The following ENAH variants were observed in gnomAD, a reference collection of about 807,000 sequenced individuals.
ENAH encodes the protein protein enabled homolog.
ENAH carries 23 observed loss-of-function variants against 78.7 expected under a neutral mutation model. That is an observed-to-expected ratio of 0.29 (90% CI 0.21 to 0.41). ENAH has a LOEUF of 0.41. ENAH is among the 10% of genes least tolerant of loss of function. The pLI is 1.00. For synonymous variants in ENAH, 226 were observed against 241.0 expected, an observed-to-expected ratio of 0.94 and a Z score of 0.58; for missense variants, 544 against 691.0, an observed-to-expected ratio of 0.79 and a Z score of 2.39.
At chr1:225,548,224 G>A (rs1412361515) in intron 3 of ENAH, among the ~76,000 whole-genome samples, 1 of 132,686 alleles carries the variant, frequency 7.5e-6, no homozygotes, top group African/African-American at 2.8e-5. Context: ...TTTTTTTTTG[G>A]ACATTAGCAT....
At chr1:225,605,267 G>A (rs11808089) in intron 1 of ENAH, among the ~76,000 whole-genome samples, 11,766 of 152,176 alleles carry the variant, frequency 0.077, 1,530 homozygotes, top group African/African-American at 0.27. Context: ...AAATAAGGGG[G>A]AAGGATACAA....
chr1:225,575,728 T>G (rs531932374), intron 1 of ENAH, among the ~76,000 whole-genome samples: 7 of 152,212 alleles, frequency 4.6e-5, no homozygotes, highest in Non-Finnish European at 8.8e-5. Flanking sequence ...ACTTATTTCC[T>G]GTGCTCTCAC....
intron 1 of ENAH, among the ~76,000 whole-genome samples, chr1:225,619,346 C>G (rs140537033): frequency 0.033 from 5,002 of 152,166 alleles, 115 homozygotes; most frequent in South Asian, 0.052. Context: ...AGTTTGAGAC[C>G]AGCCTGGCCA....
upstream of ENAH, among the ~76,000 whole-genome samples, chr1:225,653,520 G>A (rs1663453717): frequency 6.6e-6 from 1 of 150,924 alleles, no homozygotes; most frequent in Admixed American, 6.6e-5. The surrounding 1 kb of genome is among the most constrained non-coding windows in gnomAD (Gnocchi z 4.3). Flanking sequence ...GCTCCCCAGA[G>A]GCTTGGGGAG....
intron 1 of ENAH, among the ~76,000 whole-genome samples, chr1:225,575,643 T>C (rs976034567): frequency 1.3e-5 from 2 of 152,196 alleles, no homozygotes; most frequent in African/African-American, 4.8e-5. Context: ...CCCAGATACC[T>C]TCTAATTCTG....
At chr1:225,616,586 T>A (rs906108757) in intron 1 of ENAH, among the ~76,000 whole-genome samples, 1 of 152,038 alleles carries the variant, frequency 6.6e-6, no homozygotes, top group Admixed American at 6.6e-5. Context: ...TAATTATATA[T>A]TGCATCTATA....
intron 1 of ENAH, among the ~76,000 whole-genome samples, chr1:225,635,691 A>G (rs1041263533): frequency 8.5e-5 from 13 of 152,234 alleles, no homozygotes; most frequent in African/African-American, 2.7e-4. Context: ...AGATGTAATT[A>G]GTTAAGATGA....
chr1:225,494,858 G>A lies in ENAH; in HGVS notation c.*2917C>T, dbSNP rs6751. 100,500 of 152,504 alleles carry A rather than the reference G, an allele frequency of 0.66. 33,461 individuals are homozygous for A. The highest frequency in any genetic ancestry group is 0.74 in the Middle Eastern group (219 of 294). The allele number at this position is 152,504 out of a possible 1,614,324, so 9.4% of individuals were successfully genotyped here. ...TTTCAATCGCACAAACGAAGTTAGCGTGTAGGAAACTTAAATGAAACAAAT... is the reference window on the plus strand; with the variant it reads ...TTTCAATCGCACAAACGAAGTTAGCATGTAGGAAACTTAAATGAAACAAAT... On this transcript the variant is annotated 3_prime_UTR_variant, in exon 14 of 14. Coordinates refer to ENST00000366843, the MANE Select transcript of ENAH (RefSeq NM_018212.6).
At chr1:225,593,708 A>G (rs1479867485) in intron 1 of ENAH, among the ~76,000 whole-genome samples, 1 of 152,228 alleles carries the variant, frequency 6.6e-6, no homozygotes, top group Non-Finnish European at 1.5e-5. Context: ...GTAATCTGAA[A>G]AACAGCAGCC....
intron 1 of ENAH, among the ~76,000 whole-genome samples, chr1:225,633,768 T>C (rs978649499): frequency 6.6e-6 from 1 of 152,186 alleles, no homozygotes; most frequent in Non-Finnish European, 1.5e-5. Flanking sequence ...ATCAAAGTTA[T>C]CATATATAAT....
chr1:225,499,035 T>C (rs2096266337), intron 12 of ENAH, among the ~76,000 whole-genome samples: 1 of 152,174 alleles, frequency 6.6e-6, no homozygotes, highest in African/African-American at 2.4e-5. Context: ...AAATGAGATG[T>C]GCTGTGAAGT....
At chr1:225,601,873 T>C (rs2096933000) in intron 1 of ENAH, among the ~76,000 whole-genome samples, 2 of 150,604 alleles carry the variant, frequency 1.3e-5, no homozygotes, top group African/African-American at 4.9e-5. Flanking sequence ...AAGGAAGAAC[T>C]TGAGGAAAAT....
chr1:225,585,215 CAAAAAAAAAAAAAAAAAAAAA>C (rs58586397), intron 1 of ENAH, among the ~76,000 whole-genome samples: 2 of 49,934 alleles, frequency 4.0e-5, no homozygotes, highest in South Asian at 2.5e-3. Flanking sequence ...TACCCTGTCT[CAAAAAAAAAAAAAAAAAAAAA>C]AAAAAAAAAA....
At chr1:225,578,157 G>GA (rs1158040752) in intron 1 of ENAH, among the ~76,000 whole-genome samples, 1 of 151,972 alleles carries the variant, frequency 6.6e-6, no homozygotes, top group African/African-American at 2.4e-5. Flanking sequence ...TCTGGAGACC[G>GA]AAAAAAATAA....
chr1:225,535,400 C>T (rs911734783), intron 3 of ENAH: 2 of 578,846 alleles, frequency 3.5e-6, no homozygotes, highest in Non-Finnish European at 5.6e-6. Flanking sequence ...GCTATATATC[C>T]CAAATATCAC....
intron 1 of ENAH, among the ~76,000 whole-genome samples, chr1:225,624,814 A>G (rs1657649969): frequency 6.6e-6 from 1 of 152,156 alleles, no homozygotes. Flanking sequence ...CCCTAAAAGG[A>G]AAATGCCCCA....
At chr1:225,607,049 T>C (rs549678381) in intron 1 of ENAH, among the ~76,000 whole-genome samples, 1 of 151,902 alleles carries the variant, frequency 6.6e-6, no homozygotes, top group African/African-American at 2.4e-5. Context: ...GAGTGTTTCT[T>C]ACAAGTCCAA....
intron 1 of ENAH, among the ~76,000 whole-genome samples, chr1:225,591,763 T>TGAAAAAA (rs1558871217): frequency 1.5e-4 from 6 of 38,842 alleles, no homozygotes; most frequent in African/African-American, 9.8e-4. Context: ...AGACTCCGTC[T>TGAAAAAA]CAAAAAAAAA....
At chr1:225,535,637 A>G in intron 3 of ENAH, 1 of 792,738 alleles carries the variant, frequency 1.3e-6, no homozygotes, top group Non-Finnish European at 1.9e-6. Context: ...ATAAACTAAA[A>G]GGTGCTTTGA....
Sources: allele counts gnomAD v4.1 joint callset (sites outside exome capture counted in the v4.1 genomes callset), GRCh38; gene constraint gnomAD v4.1.1; non-coding constraint Gnocchi (gnomAD v3.1); transcripts MANE v1.5; gene names NCBI Gene and HGNC (gene_info 2026-07-23, HGNC 2026-07-21).